Variants in MCC observed in about 807,000 individuals in gnomAD.
MCC encodes the protein MCC regulator of Wnt signaling pathway.
A neutral mutation model predicts 116.2 loss-of-function variants in MCC; 90 were observed. The observed-to-expected ratio is 0.77, with a 90% CI of 0.65 to 0.92. The LOEUF (loss-of-function observed/expected upper bound fraction) is 0.92. MCC is among the 40% of genes least tolerant of loss of function. The probability of loss-of-function intolerance (pLI) is 0.00; values close to 1 mark genes in which losing one functional copy is unlikely to be tolerated. For missense variants in MCC, 1,516 were observed against 1,312.2 expected (o/e 1.16, Z -2.40); for synonymous variants, 578 against 510.5 (o/e 1.13, Z -1.78).
chr5:113,048,052 TG>T (rs1370614061), intron 16 of MCC, among the ~76,000 whole-genome samples: 2 of 152,216 alleles, frequency 1.3e-5, no homozygotes, highest in Non-Finnish European at 2.9e-5. Flanking sequence ...AGCCCGTTAG[TG>T]GATCTGGGCT....
intron 1 of MCC, among the ~76,000 whole-genome samples, chr5:113,469,119 T>A (rs1772004224): frequency 6.6e-6 from 1 of 152,154 alleles, no homozygotes; most frequent in African/African-American, 2.4e-5. Context: ...TTTGTTGACC[T>A]TTTCAAAAAA....
intron 17 of MCC, among the ~76,000 whole-genome samples, chr5:113,033,258 C>T (rs1177992288): frequency 6.6e-6 from 1 of 152,234 alleles, no homozygotes; most frequent in Non-Finnish European, 1.5e-5. Flanking sequence ...CTCTTGTCAT[C>T]AGGCAAGCTT....
At chr5:113,170,414 C>T (rs1431610045) in intron 3 of MCC, among the ~76,000 whole-genome samples, 1 of 152,272 alleles carries the variant, frequency 6.6e-6, no homozygotes, top group East Asian at 1.9e-4. Context: ...TTCTGATAAA[C>T]CACAACTGCA....
chr5:113,181,769 AT>A (rs1421739076), intron 3 of MCC, among the ~76,000 whole-genome samples: 2 of 152,350 alleles, frequency 1.3e-5, no homozygotes, highest in African/African-American at 4.8e-5. Flanking sequence ...AAAACTCACA[AT>A]TACAAAACCA....
chr5:113,278,382 G>A (rs933335108), intron 3 of MCC, among the ~76,000 whole-genome samples: 4 of 152,150 alleles, frequency 2.6e-5, no homozygotes, highest in Admixed American at 1.3e-4. Flanking sequence ...AGGGTCAATG[G>A]TGAATAACAG....
chr5:113,434,105 G>T lies in MCC; in HGVS notation c.171-48893C>A. 6.2e-7 allele frequency: 1 copy of T among 1,614,194 alleles called. No homozygotes were observed. The highest frequency in any genetic ancestry group is 1.1e-5 in the South Asian group (1 of 91,084). On this transcript the variant is annotated intron_variant, in intron 1 of 18. Transcript: ENST00000408903. The surrounding 1 kb of genome is among the most constrained non-coding windows in gnomAD (Gnocchi z 4.2). ...GCAGCATGTGGTAGATGAGGTCCTT[G>T]CACTCGCCTGTCAGGTGCTTGGAGC...
intron 3 of MCC, among the ~76,000 whole-genome samples, chr5:113,172,798 C>G (rs888135671): frequency 1.3e-5 from 2 of 152,168 alleles, no homozygotes; most frequent in Non-Finnish European, 2.9e-5. Context: ...TTGCCTTCTA[C>G]CGAAAGCTAT....
intron 1 of MCC, among the ~76,000 whole-genome samples, chr5:113,448,590 G>T (rs1054560744): frequency 2.0e-5 from 3 of 152,018 alleles, no homozygotes; most frequent in Non-Finnish European, 4.4e-5. Context: ...TCATTTTTCA[G>T]ATTTGATGCA....
intron 2 of MCC, among the ~76,000 whole-genome samples, chr5:113,361,173 C>CA (rs1768536301): frequency 1.3e-5 from 2 of 150,938 alleles, no homozygotes; most frequent in Non-Finnish European, 3.0e-5. Context: ...TTCTAATCGT[C>CA]TTTTTTTTTC....
chr5:113,127,983 C>T (rs770053572), intron 5 of MCC, among the ~76,000 whole-genome samples: 6 of 152,172 alleles, frequency 3.9e-5, no homozygotes, highest in Non-Finnish European at 8.8e-5. Context: ...TGAGGGTCAA[C>T]TGTAATGTCA....
intron 1 of MCC, among the ~76,000 whole-genome samples, chr5:113,475,202 A>T (rs1190778376): frequency 1.3e-5 from 2 of 152,252 alleles, no homozygotes; most frequent in African/African-American, 4.8e-5. Context: ...CATTAAGTAT[A>T]AATGCTCTTT....
At chr5:113,377,641 T>C (rs1769018965) in intron 2 of MCC, among the ~76,000 whole-genome samples, 1 of 152,124 alleles carries the variant, frequency 6.6e-6, no homozygotes, top group African/African-American at 2.4e-5. Flanking sequence ...GAAGAATCAA[T>C]AGGAATTAGG....
intron 3 of MCC, among the ~76,000 whole-genome samples, chr5:113,286,715 A>G (rs1003061249): frequency 6.6e-6 from 1 of 152,250 alleles, no homozygotes; most frequent in African/African-American, 2.4e-5. Context: ...ATTGGAATTA[A>G]TAGCTGCTAA....
At chr5:113,459,794 T>A (rs1409178609) in intron 1 of MCC, among the ~76,000 whole-genome samples, 5 of 148,286 alleles carry the variant, frequency 3.4e-5, no homozygotes, top group African/African-American at 1.3e-4. Context: ...AGATATCCCT[T>A]GCAAAAAGGA....
intron 3 of MCC, among the ~76,000 whole-genome samples, chr5:113,201,928 C>G (rs1256400675): frequency 2.0e-5 from 3 of 152,132 alleles, no homozygotes; most frequent in Admixed American, 6.6e-5. Context: ...TACACTCACT[C>G]CAGCCAATAA....
intron 3 of MCC, among the ~76,000 whole-genome samples, chr5:113,175,168 A>C (rs929598707): frequency 6.6e-6 from 1 of 152,198 alleles, no homozygotes; most frequent in African/African-American, 2.4e-5. Context: ...GAGGCTAATA[A>C]GTTACTATTC....
At chr5:113,382,697 T>A (rs1292657170) in intron 2 of MCC, among the ~76,000 whole-genome samples, 7 of 152,198 alleles carry the variant, frequency 4.6e-5, no homozygotes, top group African/African-American at 1.4e-4. Context: ...GTGTGGGGCA[T>A]TGCTTTATGG....
intron 1 of MCC, among the ~76,000 whole-genome samples, chr5:113,447,713 C>G (rs549051161): frequency 6.6e-5 from 10 of 152,210 alleles, no homozygotes; most frequent in African/African-American, 2.4e-4. Flanking sequence ...TAAACACATC[C>G]TCCCTACATT....
chr5:113,143,020 T>G lies in MCC; in HGVS notation c.884+198A>C, dbSNP rs1302906030. 4.6e-5 allele frequency among the ~76,000 whole-genome samples: 7 copies of G among 152,076 alleles called. No homozygotes were observed. In the East Asian group the frequency reaches 1.4e-3, roughly 29 times the overall value. On this transcript the variant is annotated intron_variant, in intron 5 of 18. Transcript: ENST00000408903. Reference sequence around the variant, plus strand: ...CCAAATCAGAACAGAATAAGGGAGGTAAAAGCACATGATTAACAAAGCAAA... The same window carrying G: ...CCAAATCAGAACAGAATAAGGGAGGGAAAAGCACATGATTAACAAAGCAAA...
Sources: gnomAD v4.1 joint callset for allele counts (sites outside exome capture counted in the v4.1 genomes callset) on GRCh38, gnomAD v4.1.1 for gene constraint, Gnocchi (gnomAD v3.1) non-coding constraint, MANE v1.5 for transcripts, NCBI Gene and HGNC (gene_info 2026-07-23, HGNC 2026-07-21) for gene names.